Variants in TOM1 observed in about 807,000 individuals in gnomAD.
TOM1 encodes target of myb1 membrane trafficking protein, also known as target of Myb protein 1.
TOM1 carries 38 observed loss-of-function variants against 61.3 expected under a neutral mutation model. That is an observed-to-expected ratio of 0.62 (90% CI 0.48 to 0.81). The LOEUF is 0.81. Ranked by LOEUF, TOM1 falls within the 40% of genes least tolerant of loss-of-function variation. TOM1 has a pLI of 0.00. For missense variants in TOM1, 591 were observed against 659.6 expected (o/e 0.90, Z 1.14); for synonymous variants, 270 against 268.8 (o/e 1.00, Z -0.04).
chr22:35,305,892 T>C (rs1926289098), intron 1 of TOM1, among the ~76,000 whole-genome samples: 1 of 118,710 alleles, frequency 8.4e-6, no homozygotes, highest in Non-Finnish European at 2.1e-5. Context: ...AGAGGATTCC[T>C]GTGTTGGTTA....
rs189915226 is a variant in TOM1, at chr22:35,300,012, C to G, written c.52+32C>G. Reference sequence around the variant, plus strand: ...CCCTGGAGCCCCCCACAGCTCCGCCCCGGTGCTCCGCACCCAGCTTCGGTC... The same window carrying G: ...CCCTGGAGCCCCCCACAGCTCCGCCGCGGTGCTCCGCACCCAGCTTCGGTC... On this transcript the variant is annotated intron_variant, in intron 1 of 14. Transcript: ENST00000449058. The G allele has an allele frequency of 3.7e-3, 5,813 of 1,553,652 alleles. 19 individuals carry two copies. The highest frequency in any genetic ancestry group is 4.6e-3 in the Non-Finnish European group (5,237 of 1,148,318).
intron 1 of TOM1, among the ~76,000 whole-genome samples, chr22:35,300,536 C>A (rs1368150124): frequency 2.6e-5 from 4 of 152,270 alleles, no homozygotes; most frequent in Non-Finnish European, 5.9e-5. Context: ...ACGTGTCCGC[C>A]TGGGCTCTTT....
chr22:35,303,131 A>AACACACACACACACACACAC lies in TOM1; in HGVS notation c.52+3169_52+3170insACACACACACACACACACAC, dbSNP rs138739. On this transcript the variant is annotated intron_variant, in intron 1 of 14. Transcript: ENST00000449058. ...AAAGTTCTCATCCACCTCCCCTCCCAACACACACACACACACACCCCTTTG... is the reference window on the plus strand; with the variant it reads ...AAAGTTCTCATCCACCTCCCCTCCCAACACACACACACACACACACACACACACACACACACACCCCTTTG... Among the ~76,000 whole-genome samples, 434 of 149,264 alleles carry AACACACACACACACACACAC rather than the reference A, an allele frequency of 2.9e-3. 2 individuals are homozygous for AACACACACACACACACACAC. The highest frequency in any genetic ancestry group is 9.6e-3 in the African/African-American group (389 of 40,712).
chr22:35,323,276 T>A lies in TOM1; in HGVS notation c.366+99T>A. On this transcript the variant is annotated intron_variant, in intron 4 of 14. Transcript: ENST00000449058. The surrounding 1 kb of genome is among the most constrained non-coding windows in gnomAD (Gnocchi z 4.2). ...CGAGGCCATCGTGTTTGTCCCAGGC[T>A]CCGCTTCTCATTTCGGGGCGTCTCG... is the stretch of plus-strand genomic sequence containing the variant. 1.3e-6 allele frequency: 2 copies of A among 1,505,882 alleles called. No individual in the cohort carries two copies. The highest frequency in any genetic ancestry group is 1.8e-6 in the Non-Finnish European group (2 of 1,116,874). The allele number at this position is 1,505,882 out of a possible 1,614,324, so 93.3% of individuals were successfully genotyped here. A position where few individuals can be genotyped will look rare whatever the true frequency, so the allele number is the denominator to read the frequency against.
At chr22:35,333,949 C>G (rs567295340) in intron 10 of TOM1, among the ~76,000 whole-genome samples, 1 of 152,296 alleles carries the variant, frequency 6.6e-6, no homozygotes, top group African/African-American at 2.4e-5. Flanking sequence ...AATTTACTGT[C>G]TGCTTCATGC....
At chr22:35,333,574 C>T in intron 10 of TOM1, 77 bp downstream of exon 10, 1 of 1,297,588 alleles carries the variant, frequency 7.7e-7, no homozygotes, top group Non-Finnish European at 1.1e-6. Flanking sequence ...TCGGGGTGCC[C>T]TTGTTATATA....
rs578031743 is a variant in TOM1, at chr22:35,321,465, C to A, written c.138-494C>A. On this transcript the variant is annotated intron_variant, in intron 2 of 14. Transcript: ENST00000449058. ...CCAGGCTGGAGTACAGTGGCGTAAT[C>A]TCGGCTCACTGCAACCTCTGCCTCC... Among the ~76,000 whole-genome samples, 15 of 152,166 alleles carry A rather than the reference C, an allele frequency of 9.9e-5. No individual in the cohort carries two copies. In the South Asian group the frequency reaches 2.9e-3, roughly 29 times the overall value.
At position 35,347,185 on chromosome 22, in the gene TOM1, T is replaced by C. The variant is rs140465923; in HGVS notation, c.1455T>C (p.Asp485=). The change falls in exon 15 of 15, where the codon GAT becomes GAC. Residue 485 remains aspartate, a synonymous_variant. Coordinates refer to ENST00000449058, the MANE Select transcript of TOM1 (RefSeq NM_005488.3). ...CCCGGAAGAAGACCCAGGAGAAAGA[T>C]GATGACATGCTGTTTGCCTTATGAG... The part of the protein sequence containing the change: ...PAPRKKTQEK[D]DDMLFAL The C allele has an allele frequency of 4.5e-3, 7,304 of 1,611,966 alleles. 35 individuals carry two copies. Among genetic ancestry groups the C allele is most frequent in the Middle Eastern group, 8.6e-3 (52 of 6,042 alleles).
chr22:35,300,358 A>T (rs2145591559), intron 1 of TOM1, among the ~76,000 whole-genome samples: 1 of 152,196 alleles, frequency 6.6e-6, no homozygotes, highest in Non-Finnish European at 1.5e-5. Flanking sequence ...GGCTCTGGCC[A>T]GCTCCTTCCT....
At chr22:35,324,060 G>A in intron 6 of TOM1, 146 bp downstream of exon 6, 1 of 1,022,696 alleles carries the variant, frequency 9.8e-7, no homozygotes, top group Non-Finnish European at 1.4e-6. Flanking sequence ...CTTCCTGTTT[G>A]AGCGATGAGA....
chr22:35,333,491 G>A lies in TOM1; in HGVS notation c.1021G>A (p.Gly341Arg). The change falls in exon 10 of 15, where the codon GGA (glycine) becomes AGA (arginine). Residue 341 changes from glycine (G) to arginine (R), a missense_variant. By Grantham distance (125) the Gly-to-Arg change is moderately radical. Transcript: ENST00000449058. ...CGGCAACCTCTCATCCCAGCTGGCAGGAATGAGTAAGTGTGGTTTGGAGGG... is the reference window on the plus strand; with the variant it reads ...CGGCAACCTCTCATCCCAGCTGGCAAGAATGAGTAAGTGTGGTTTGGAGGG... ...ATGNLSSQLA[G>R]MNLGSSSVRA... 1 of 1,614,188 alleles carries A rather than the reference G, an allele frequency of 6.2e-7. No individual in the cohort carries two copies. The highest frequency in any genetic ancestry group is 8.5e-7 in the Non-Finnish European group (1 of 1,180,030).
rs1360957834 is a variant in TOM1 at position 35,347,461 on chromosome 22, CTT to C, written c.*254_*255del. 1 of 413,072 alleles carries C rather than the reference CTT, an allele frequency of 2.4e-6. No individual in the cohort carries two copies. Among genetic ancestry groups the C allele is most frequent in the Non-Finnish European group, 4.3e-6 (1 of 232,032 alleles). 25.6% of individuals were successfully genotyped at this position (413,072 alleles called of 1,614,324 possible). A position where few individuals can be genotyped will look rare whatever the true frequency, so the allele number is the denominator to read the frequency against. On this transcript the variant is annotated 3_prime_UTR_variant, in exon 15 of 15. Coordinates refer to ENST00000449058, the MANE Select transcript of TOM1 (RefSeq NM_005488.3). ...TTTCCCACCCCAGCTGACCATGAGA[CTT>C]TGCTGAGAAGTGGAGGCCCCAGGAC...
At position 35,325,424 on chromosome 22, in the gene TOM1, C is replaced by T. The variant is rs537153758; in HGVS notation, c.648+1510C>T. On this transcript the variant is annotated intron_variant, in intron 6 of 14. Coordinates refer to ENST00000449058, the MANE Select transcript of TOM1 (RefSeq NM_005488.3). ...TTTGCTAACTGGACAAAATTATTAA[C>T]GCACTGCCCGTTTGCCCCAAGAATA... 3.9e-5 allele frequency among the ~76,000 whole-genome samples: 6 copies of T among 152,330 alleles called. No individual in the cohort carries two copies. The East Asian group carries it at 9.6e-4, about 24-fold the overall frequency.
intron 1 of TOM1, among the ~76,000 whole-genome samples, chr22:35,305,927 C>T (rs1926293948): frequency 6.6e-6 from 1 of 152,060 alleles, no homozygotes; most frequent in African/African-American, 2.4e-5. Context: ...GGTCAGTGAG[C>T]TTTTTCTATA....
chr22:35,303,966 G>C (rs889885101), intron 1 of TOM1, among the ~76,000 whole-genome samples: 4 of 152,180 alleles, frequency 2.6e-5, no homozygotes, highest in Admixed American at 1.3e-4. Context: ...TAGCAGGAAG[G>C]AGGAAGGGAG....
chr22:35,302,316 T>C (rs1405564189), intron 1 of TOM1, among the ~76,000 whole-genome samples: 2 of 140,284 alleles, frequency 1.4e-5, no homozygotes, highest in South Asian at 2.2e-4. Context: ...TTTTTTCTTT[T>C]TCTTTTTCTT....
intron 7 of TOM1, among the ~76,000 whole-genome samples, chr22:35,329,116 C>T (rs899561694): frequency 2.6e-5 from 4 of 152,172 alleles, no homozygotes; most frequent in East Asian, 1.9e-4. Flanking sequence ...CCACCATGCC[C>T]GGCTAATTTT....
At chr22:35,329,914 C>A (rs1201177681) in intron 7 of TOM1, among the ~76,000 whole-genome samples, 1 of 152,200 alleles carries the variant, frequency 6.6e-6, no homozygotes, top group Non-Finnish European at 1.5e-5. Flanking sequence ...TTCCGTGGAA[C>A]CTTGAAGTCC....
intron 2 of TOM1, chr22:35,321,624 C>A (rs2145653770): frequency 2.3e-6 from 1 of 441,178 alleles, no homozygotes; most frequent in East Asian, 6.7e-5. Context: ...GTCTTGAACT[C>A]CTGGCCTCAA....
Sources: gnomAD v4.1 joint callset for allele counts (sites outside exome capture counted in the v4.1 genomes callset) on GRCh38, gnomAD v4.1.1 for gene constraint, Gnocchi (gnomAD v3.1) non-coding constraint, MANE v1.5 for transcripts, NCBI Gene and HGNC (gene_info 2026-07-23, HGNC 2026-07-21) for gene names.